TRPM2: variants seen among roughly 807,000 people sequenced by gnomAD.
TRPM2 encodes estrogen-responsive element-associated gene 1 protein.
TRPM2 carries 161 observed loss-of-function variants against 174.0 expected under a neutral mutation model. The ratio of observed to expected loss-of-function variants is 0.93; its 90% confidence interval spans 0.81 to 1.05. The LOEUF is 1.05. Ranked by LOEUF, TRPM2 falls within the 50% of genes least tolerant of loss-of-function variation. The probability of loss-of-function intolerance (pLI) is 0.00; values close to 1 mark genes in which losing one functional copy is unlikely to be tolerated. For missense variants in TRPM2, 2,057 were observed against 2,038.0 expected (o/e 1.01, Z -0.18); for synonymous variants, 954 against 861.3 (o/e 1.11, Z -1.88).
rs1300894739 is a variant in TRPM2, at chr21:44,438,023, T to C, written c.4167+856T>C. On this transcript the variant is annotated intron_variant, in intron 29 of 31. Coordinates refer to ENST00000397928, the MANE Select transcript of TRPM2 (RefSeq NM_003307.4). This position sits in a 1 kb window ranked among gnomAD's most constrained non-coding sequence, Gnocchi z 5.9. ...GACCCCGAGCTCACGGCCTGGTGGC[T>C]GCCTCTGCTGCTGTGGGAGTGTGTG... Among the ~76,000 whole-genome samples the C allele has an allele frequency of 6.6e-6, 1 of 152,276 alleles. No individual in the cohort carries two copies. Among genetic ancestry groups the C allele is most frequent in the Non-Finnish European group, 1.5e-5 (1 of 68,050 alleles).
chr21:44,442,060 G>T lies in TRPM2; in HGVS notation c.*243G>T. On this transcript the variant is annotated 3_prime_UTR_variant, in exon 32 of 32. Transcript: ENST00000397928. Reference sequence around the variant, plus strand: ...GGCACAGGCTACTCAGAGCTGAGGGGCCCCTGGGACCCTTGGCCATCAGGC... The same window carrying T: ...GGCACAGGCTACTCAGAGCTGAGGGTCCCCTGGGACCCTTGGCCATCAGGC... 1 of 487,504 alleles carries T rather than the reference G, an allele frequency of 2.1e-6. No individual in the cohort carries two copies. Among genetic ancestry groups the T allele is most frequent in the Non-Finnish European group, 3.2e-6 (1 of 308,828 alleles). 30.2% of individuals were successfully genotyped at this position (487,504 alleles called of 1,614,324 possible). A position where few individuals can be genotyped will look rare whatever the true frequency, so the allele number is the denominator to read the frequency against.
chr21:44,415,345 C>T (rs2050244013), intron 20 of TRPM2: 1 of 152,148 alleles, frequency 6.6e-6, no homozygotes, highest in African/African-American at 2.4e-5. Context: ...GGGAAATTAT[C>T]TGGGGTTATC....
chr21:44,418,491 C>T lies in TRPM2; in HGVS notation c.3397C>T (p.Leu1133Phe). 6.2e-7 allele frequency: 1 copy of T among 1,614,110 alleles called. No individual in the cohort carries two copies. The highest frequency in any genetic ancestry group is 8.5e-7 in the Non-Finnish European group (1 of 1,180,006). Reference protein sequence around the residue: ...SWEIYLKENYLQNRQFQQKQR... With the variant: ...SWEIYLKENYFQNRQFQQKQR... ...GGAGATCTACCTGAAGGAGAACTACCTCCAGAACCGACAGTTCCAGCAAAA... is the reference window on the plus strand; with the variant it reads ...GGAGATCTACCTGAAGGAGAACTACTTCCAGAACCGACAGTTCCAGCAAAA... The change falls in exon 22 of 32, where the codon CTC becomes TTC. Residue 1133 changes from leucine (L) to phenylalanine (F), a missense_variant. Leu to Phe is a conservative substitution (Grantham distance 22, BLOSUM62 0). Transcript: ENST00000397928.
chr21:44,422,784 A>T (rs2146365863), intron 22 of TRPM2, among the ~76,000 whole-genome samples: 1 of 143,110 alleles, frequency 7.0e-6, no homozygotes, highest in African/African-American at 2.6e-5. Flanking sequence ...AACCCCACAA[A>T]ATAAGACAGA....
At chr21:44,359,770 C>T (rs746449669) in intron 2 of TRPM2, among the ~76,000 whole-genome samples, 13 of 147,296 alleles carry the variant, frequency 8.8e-5, no homozygotes, top group East Asian at 3.9e-4. Context: ...TTTTTTGAGA[C>T]GGAGTCTTGC....
At chr21:44,372,825 C>A (rs1412835573) in intron 5 of TRPM2, among the ~76,000 whole-genome samples, 5 of 152,178 alleles carry the variant, frequency 3.3e-5, no homozygotes, top group Non-Finnish European at 5.9e-5. Flanking sequence ...CTTGGGCACC[C>A]CCTACCCTGC....
chr21:44,439,009 C>T lies in TRPM2; in HGVS notation c.4168-58C>T. On this transcript the variant is annotated intron_variant, in intron 29 of 31. Transcript: ENST00000397928. This position sits in a 1 kb window ranked among gnomAD's most constrained non-coding sequence, Gnocchi z 5.1. The stretch of plus-strand genomic sequence containing the variant: ...AGGCCAGTGGAGACGGGTGCCAGGG[C>T]AGCCTGAGGTCCCGCTTCGGTGCCC... 3.4e-6 allele frequency: 5 copies of T among 1,461,420 alleles called. No homozygotes were observed. Among genetic ancestry groups the T allele is most frequent in the South Asian group, 1.2e-5 (1 of 86,234 alleles). 90.5% of individuals were successfully genotyped at this position (1,461,420 alleles called of 1,614,324 possible). A position where few individuals can be genotyped will look rare whatever the true frequency, so the allele number is the denominator to read the frequency against.
rs866477732 is a variant in TRPM2 at position 44,418,443 on chromosome 21, G to A, written c.3349G>A (p.Glu1117Lys). The A allele has an allele frequency of 4.3e-6, 7 of 1,613,970 alleles. No homozygotes were observed. The highest frequency in any genetic ancestry group is 5.9e-6 in the Non-Finnish European group (7 of 1,180,008). The change falls in exon 22 of 32, where the codon GAG becomes AAG. Residue 1117 changes from glutamate to lysine, a missense_variant. Coordinates refer to ENST00000397928, the MANE Select transcript of TRPM2 (RefSeq NM_003307.4). ...KQLKNKLEKNEEAALLSWEIY... is the reference protein window; with the variant it reads ...KQLKNKLEKNKEAALLSWEIY... ...GACAGAGAACAAGCTGGAGAAGAAC[G>A]AGGAGGCGGCCCTGCTATCCTGGGA...
At position 44,414,142 on chromosome 21, in the gene TRPM2, T is replaced by C. The variant is rs915779; in HGVS notation, c.3146+68T>C. 0.75 allele frequency: 1,160,646 copies of C among 1,549,202 alleles called. 436,690 individuals are homozygous for C. The highest frequency in any genetic ancestry group is 0.77 in the Non-Finnish European group (873,139 of 1,140,302). On this transcript the variant is annotated intron_variant, in intron 20 of 31. Coordinates refer to ENST00000397928, the MANE Select transcript of TRPM2 (RefSeq NM_003307.4). ...CGGCGTTCCTGGGCCGCAGTGGCCA[T>C]GCTGTCTCCAGGGTCTCGTGGACAG...
chr21:44,356,442 G>A (rs1402766734), intron 2 of TRPM2, among the ~76,000 whole-genome samples: 2 of 151,814 alleles, frequency 1.3e-5, no homozygotes, highest in African/African-American at 2.4e-5. Flanking sequence ...AGTCCACAGA[G>A]TAAAGTGAAA....
chr21:44,426,863 G>C, intron 26 of TRPM2, 127 bp downstream of exon 26: 1 of 1,342,686 alleles, frequency 7.4e-7, no homozygotes, highest in Middle Eastern at 2.6e-4. Flanking sequence ...GCCCGTGGGG[G>C]CCTGAAGGGG....
chr21:44,396,011 A>AG (rs2049365223), intron 12 of TRPM2, among the ~76,000 whole-genome samples: 1 of 22,794 alleles, frequency 4.4e-5, no homozygotes, highest in Non-Finnish European at 7.7e-5. Context: ...AGGGATGTGG[A>AG]GGCTCTGGAG....
Position 44,425,841 on chromosome 21 carries a change from C to A in TRPM2, c.3795+14C>A, listed in dbSNP as rs2050748904. The A allele has an allele frequency of 6.5e-7, 1 of 1,546,836 alleles. No individual in the cohort carries two copies. The highest frequency in any genetic ancestry group is 1.2e-5 in the South Asian group (1 of 85,286). On this transcript the variant is annotated intron_variant, in intron 25 of 31. Transcript: ENST00000397928. ...GTGCCCTGGGAGGTGAGCGCCTGCC[C>A]AAGCCCAACCAGGCGGAGTGGCCGG...
chr21:44,425,834 G>A lies in TRPM2; in HGVS notation c.3795+7G>A, dbSNP rs375073850. On this transcript the variant is annotated splice_region_variant and intron_variant, in intron 25 of 31. Coordinates refer to ENST00000397928, the MANE Select transcript of TRPM2 (RefSeq NM_003307.4). ...CGAGAAGGTGCCCTGGGAGGTGAGC[G>A]CCTGCCCAAGCCCAACCAGGCGGAG... 43 of 1,552,484 alleles carry A rather than the reference G, an allele frequency of 2.8e-5. No individual in the cohort carries two copies. In the Admixed American group the frequency reaches 3.8e-4, roughly 14 times the overall value.
intron 27 of TRPM2, among the ~76,000 whole-genome samples, chr21:44,433,703 G>T (rs1353025036): frequency 1.3e-5 from 2 of 152,196 alleles, no homozygotes; most frequent in African/African-American, 4.8e-5. Context: ...TGGGGAGGCT[G>T]CCTGGGCCCC....
intron 2 of TRPM2, among the ~76,000 whole-genome samples, chr21:44,357,882 A>G (rs992903690): frequency 1.3e-5 from 2 of 152,050 alleles, no homozygotes; most frequent in East Asian, 3.9e-4. Context: ...CATCTCACCA[A>G]CCACGGTGGT....
chr21:44,413,871 A>AC lies in TRPM2; in HGVS notation c.2963-15dup. On this transcript the variant is annotated intron_variant, in intron 19 of 31. Transcript: ENST00000397928. ...TCTGTGTTGTTTTCTTGGCTCACCC[A>AC]CCCCCATTCCCAACGCCAGGTGTGA... The AC allele has an allele frequency of 6.3e-7, 1 of 1,599,700 alleles. No homozygotes were observed. The highest frequency in any genetic ancestry group is 8.6e-7 in the Non-Finnish European group (1 of 1,169,084).
At chr21:44,407,716 C>G (rs2049953982) in intron 19 of TRPM2, among the ~76,000 whole-genome samples, 1 of 151,674 alleles carries the variant, frequency 6.6e-6, no homozygotes, top group African/African-American at 2.4e-5. Flanking sequence ...TGTCTGACTT[C>G]TTTCACTTGA....
At chr21:44,359,757 A>AT (rs59713228) in intron 2 of TRPM2, among the ~76,000 whole-genome samples, 17 of 148,112 alleles carry the variant, frequency 1.1e-4, no homozygotes, top group South Asian at 1.1e-3. Flanking sequence ...ATATATATAT[A>AT]TTTTTTTTGA....
Sources: allele counts gnomAD v4.1 joint callset (sites outside exome capture counted in the v4.1 genomes callset), GRCh38; gene constraint gnomAD v4.1.1; non-coding constraint Gnocchi (gnomAD v3.1); transcripts MANE v1.5; gene names NCBI Gene and HGNC (gene_info 2026-07-23, HGNC 2026-07-21).